Variants in RGS13 observed in about 807,000 individuals in gnomAD.
RGS13 encodes the protein regulator of G protein signaling 13.
In RGS13, 14 loss-of-function variants were observed where a neutral mutation model predicts 19.9. The observed-to-expected ratio is 0.70, with a 90% CI of 0.46 to 1.10. RGS13 has a LOEUF of 1.10. RGS13 is among the 50% of genes least tolerant of loss of function. The probability of loss-of-function intolerance (pLI) is 0.00; values close to 1 mark genes in which losing one functional copy is unlikely to be tolerated. For missense variants in RGS13, 205 were observed against 187.1 expected, an observed-to-expected ratio of 1.10 and a Z score of -0.56; for synonymous variants, 60 against 56.8, an observed-to-expected ratio of 1.06 and a Z score of -0.25.
At chr1:192,646,707 T>G (rs559707674) in intron 4 of RGS13, 1 of 152,252 alleles carries the variant, frequency 6.6e-6, no homozygotes, top group South Asian at 2.1e-4. Context: ...TGTGTCCATA[T>G]GTTCTCATCA....
chr1:192,650,321 G>A lies in RGS13; in HGVS notation c.127+2334G>A, dbSNP rs114949653. 7.3e-3 allele frequency among the ~76,000 whole-genome samples: 1,108 copies of A among 152,116 alleles called. 15 individuals carry two copies. Among genetic ancestry groups the A allele is most frequent in the African/African-American group, 0.024 (1,002 of 41,496 alleles). ...TTTCCAGAAATCATATTACTATGAA[G>A]TTCACATAAAAATTCAACAATCACA... On this transcript the variant is annotated intron_variant, in intron 5 of 6. Coordinates refer to ENST00000391995, the MANE Select transcript of RGS13 (RefSeq NM_002927.5).
Position 192,657,813 on chromosome 1 carries a change from C to G in RGS13, c.128-388C>G, listed in dbSNP as rs532876113. Among the ~76,000 whole-genome samples the G allele has an allele frequency of 2.6e-5, 4 of 152,224 alleles. No individual in the cohort carries two copies. The South Asian group carries it at 8.3e-4, about 32-fold the overall frequency. On this transcript the variant is annotated intron_variant, in intron 5 of 6. Coordinates refer to ENST00000391995, the MANE Select transcript of RGS13 (RefSeq NM_002927.5). ...TTACATTCAAAACCCTGCTCTTACC[C>G]TACAGTTTGGCATGAGGTCTTAGAT... is the stretch of plus-strand genomic sequence containing the variant.
intron 5 of RGS13, among the ~76,000 whole-genome samples, chr1:192,654,154 A>G (rs557519839): frequency 6.6e-6 from 1 of 151,884 alleles, no homozygotes; most frequent in African/African-American, 2.4e-5. Flanking sequence ...GTATTTCTCA[A>G]TAATTTTTAT....
chr1:192,639,597 C>T (rs188014188), intron 3 of RGS13, among the ~76,000 whole-genome samples: 8 of 152,100 alleles, frequency 5.3e-5, no homozygotes, highest in African/African-American at 1.2e-4. Flanking sequence ...GGAAGAAATG[C>T]GGTCTAACAG....
At chr1:192,657,261 A>G (rs1021224149) in intron 5 of RGS13, among the ~76,000 whole-genome samples, 1 of 152,042 alleles carries the variant, frequency 6.6e-6, no homozygotes, top group African/African-American at 2.4e-5. Context: ...TAGCAATCCA[A>G]TTCCTTGGAT....
rs61030187 is a variant in RGS13 at position 192,641,009 on chromosome 1, G to C, written c.-5+2806G>C. ...TTATTGTAACGATGCCTCCTAGAGA[G>C]ACATGCAGGCCAGAATCATCAAATG... is the stretch of plus-strand genomic sequence containing the variant. On this transcript the variant is annotated intron_variant, in intron 3 of 6. Coordinates refer to ENST00000391995, the MANE Select transcript of RGS13 (RefSeq NM_002927.5). Among the ~76,000 whole-genome samples, 1,102 of 151,832 alleles carry C rather than the reference G, an allele frequency of 7.3e-3. 17 individuals carry two copies. Among genetic ancestry groups the C allele is most frequent in the African/African-American group, 0.025 (1,032 of 41,396 alleles).
chr1:192,647,430 T>C (rs1342334703), intron 4 of RGS13: 7 of 152,188 alleles, frequency 4.6e-5, no homozygotes, highest in Admixed American at 1.3e-4. Context: ...GCCCCCCTTG[T>C]AGCATATTTC....
intron 3 of RGS13, among the ~76,000 whole-genome samples, chr1:192,641,254 A>AAAGGAAAGAAAG (rs1553257010): frequency 3.0e-5 from 2 of 67,390 alleles, no homozygotes; most frequent in African/African-American, 1.0e-4. Context: ...GAAAAGAAAG[A>AAAGGAAAGAAAG]AAAGAAAGAA....
chr1:192,639,687 A>G (rs1177858979), intron 3 of RGS13, among the ~76,000 whole-genome samples: 1 of 152,184 alleles, frequency 6.6e-6, no homozygotes, highest in Admixed American at 6.6e-5. Flanking sequence ...TTTTAGAGAA[A>G]AGGAAAAGGA....
At chr1:192,642,865 G>GT (rs778766394) in intron 3 of RGS13, among the ~76,000 whole-genome samples, 1 of 151,592 alleles carries the variant, frequency 6.6e-6, no homozygotes, top group Non-Finnish European at 1.5e-5. Flanking sequence ...TTTTGTTTTT[G>GT]TTTTTTGTTT....
chr1:192,652,033 T>C (rs924499054), intron 5 of RGS13, among the ~76,000 whole-genome samples: 4 of 152,082 alleles, frequency 2.6e-5, no homozygotes, highest in African/African-American at 4.8e-5. Flanking sequence ...GCAGAGCAGA[T>C]ATTAAGCCAT....
chr1:192,643,410 T>A (rs921451704), intron 3 of RGS13, among the ~76,000 whole-genome samples: 1 of 151,952 alleles, frequency 6.6e-6, no homozygotes, highest in Admixed American at 6.6e-5. Flanking sequence ...TTGTTAGTTG[T>A]TTTTTTAAAG....
chr1:192,658,822 A>G (rs12118386), intron 6 of RGS13: 61,959 of 162,164 alleles, frequency 0.38, 13,878 homozygotes, highest in East Asian at 0.66. Context: ...GCAAGCCTAC[A>G]TTGTGGACAT....
At chr1:192,651,014 T>C (rs767371281) in intron 5 of RGS13, among the ~76,000 whole-genome samples, 3 of 151,960 alleles carry the variant, frequency 2.0e-5, no homozygotes, top group Non-Finnish European at 4.4e-5. Context: ...GTCACAGGGC[T>C]GTGAGACCAC....
intron 3 of RGS13, among the ~76,000 whole-genome samples, chr1:192,641,332 A>G (rs913323238): frequency 1.3e-5 from 2 of 150,262 alleles, no homozygotes; most frequent in East Asian, 2.0e-4. Flanking sequence ...GGGAGGGAGG[A>G]AGGAAGGAGA....
At chr1:192,641,241 AAAGAAAAGAAAGAAAAGAAAG>A (rs1271207461) in intron 3 of RGS13, among the ~76,000 whole-genome samples, 23 of 90,230 alleles carry the variant, frequency 2.5e-4, no homozygotes, top group African/African-American at 8.3e-4. Context: ...AGAAAGAAAG[AAAGAAAAGAAAGAAAAGAAAG>A]AAAGAAAGAA....
At chr1:192,653,637 T>A (rs913368692) in intron 5 of RGS13, among the ~76,000 whole-genome samples, 2 of 151,928 alleles carry the variant, frequency 1.3e-5, no homozygotes, top group Non-Finnish European at 2.9e-5. Context: ...ATATGATCAT[T>A]AAAAATGAAA....
intron 3 of RGS13, 62 bp from the exon 4 acceptor site, chr1:192,644,269 G>T: frequency 8.4e-7 from 1 of 1,192,438 alleles, no homozygotes; most frequent in South Asian, 1.5e-5. Context: ...CTTAGAAACT[G>T]ACTGTAACAT....
chr1:192,641,254 A>AAAGAAAGAAAAGAAAGAAAGAAAGAAAG (rs1553257010), intron 3 of RGS13, among the ~76,000 whole-genome samples: 2 of 67,468 alleles, frequency 3.0e-5, no homozygotes, highest in African/African-American at 1.0e-4. Context: ...GAAAAGAAAG[A>AAAGAAAGAAAAGAAAGAAAGAAAGAAAG]AAAGAAAGAA....
Sources: allele counts gnomAD v4.1 joint callset (sites outside exome capture counted in the v4.1 genomes callset), GRCh38; gene constraint gnomAD v4.1.1; transcripts MANE v1.5; gene names NCBI Gene and HGNC (gene_info 2026-07-23, HGNC 2026-07-21).